Variants in CDADC1 observed in about 807,000 individuals in gnomAD.
The protein encoded by CDADC1 is dCTP deaminase.
CDADC1 carries 39 observed loss-of-function variants against 54.9 expected under a neutral mutation model. The observed-to-expected ratio is 0.71, with a 90% CI of 0.55 to 0.93. The LOEUF is 0.93. Ranked by LOEUF, CDADC1 falls within the 40% of genes least tolerant of loss-of-function variation. The probability of loss-of-function intolerance (pLI) is 0.00; values close to 1 mark genes in which losing one functional copy is unlikely to be tolerated. For synonymous variants in CDADC1, 186 were observed against 204.0 expected, an observed-to-expected ratio of 0.91 and a Z score of 0.75; for missense variants, 518 against 618.8, an observed-to-expected ratio of 0.84 and a Z score of 1.73.
At chr13:49,250,512 GA>G (rs1387231548) in intron 2 of CDADC1, among the ~76,000 whole-genome samples, 1 of 152,170 alleles carries the variant, frequency 6.6e-6, no homozygotes, top group Non-Finnish European at 1.5e-5. Flanking sequence ...AGACATGAAG[GA>G]TTAGTGGACT....
Position 49,276,356 on chromosome 13 carries a change from T to G in CDADC1, c.1051-1994T>G, listed in dbSNP as rs180736414. On this transcript the variant is annotated intron_variant, in intron 6 of 9. Coordinates refer to ENST00000251108, the MANE Select transcript of CDADC1 (RefSeq NM_030911.4). ...AGGGCTAGACAGAAAATAAGGAGAT[T>G]AATAAAAAGAGATGAGGACTTGGAG... is the stretch of plus-strand genomic sequence containing the variant. Among the ~76,000 whole-genome samples, 164 of 152,104 alleles carry G rather than the reference T, an allele frequency of 1.1e-3. 2 individuals carry two copies. Among genetic ancestry groups the G allele is most frequent in the African/African-American group, 3.8e-3 (158 of 41,494 alleles).
intron 5 of CDADC1, among the ~76,000 whole-genome samples, chr13:49,272,247 A>C (rs1428094642): frequency 3.9e-5 from 6 of 152,240 alleles, no homozygotes. Context: ...AAATTAAATA[A>C]AACTTTAAAG....
intron 3 of CDADC1, 96 bp from the exon 4 acceptor site, chr13:49,259,250 A>C: frequency 1.1e-6 from 1 of 898,594 alleles, no homozygotes; most frequent in Non-Finnish European, 1.6e-6. Flanking sequence ...AAAGAATTAA[A>C]CAAAACTTCC....
chr13:49,262,511 A>C (rs1005243957), intron 4 of CDADC1, among the ~76,000 whole-genome samples: 6 of 151,852 alleles, frequency 4.0e-5, no homozygotes, highest in African/African-American at 1.2e-4. Context: ...AGGTAAAACT[A>C]CTGTTTCCGT....
chr13:49,267,793 T>C lies in CDADC1; in HGVS notation c.734T>C (p.Val245Ala). The change falls in exon 5 of 10, where the codon GTT becomes GCT. Residue 245 changes from valine to alanine, a missense_variant. Val to Ala is a moderately conservative substitution (Grantham distance 64). Transcript: ENST00000251108. Reference sequence around the variant, plus strand: ...AAAGAATATGAAATGTTATTTTTGGTTTCAAATGAAGAAATGCATAAGCAA... The same window carrying C: ...AAAGAATATGAAATGTTATTTTTGGCTTCAAATGAAGAAATGCATAAGCAA... ...RIKEYEMLFL[V>A]SNEEMHKQIL... is the part of the protein sequence containing the mutation. The C allele has an allele frequency of 6.2e-7, 1 of 1,612,662 alleles. No individual in the cohort carries two copies.
intron 4 of CDADC1, among the ~76,000 whole-genome samples, chr13:49,266,678 T>C (rs1167863856): frequency 6.6e-6 from 1 of 152,176 alleles, no homozygotes; most frequent in African/African-American, 2.4e-5. Flanking sequence ...ATTTTGGTCA[T>C]TTAGGTTTTT....
At chr13:49,275,112 GTCCCCCT>G in intron 6 of CDADC1, among the ~76,000 whole-genome samples, 1 of 146,256 alleles carries the variant, frequency 6.8e-6, no homozygotes, top group East Asian at 2.0e-4. Context: ...TTGAGACAGA[GTCCCCCT>G]CTGTCACCCA....
At chr13:49,250,165 C>T (rs1024904198) in intron 2 of CDADC1, among the ~76,000 whole-genome samples, 1 of 152,154 alleles carries the variant, frequency 6.6e-6, no homozygotes, top group Non-Finnish European at 1.5e-5. Flanking sequence ...TGCATGTACT[C>T]GCTGAGGTTT....
chr13:49,281,885 C>CG (rs1953347094), intron 8 of CDADC1, among the ~76,000 whole-genome samples: 1 of 151,620 alleles, frequency 6.6e-6, no homozygotes, highest in Non-Finnish European at 1.5e-5. Flanking sequence ...CTCAGCCTCC[C>CG]GGGTTCCAGC....
intron 4 of CDADC1, among the ~76,000 whole-genome samples, chr13:49,262,795 T>C (rs1593805709): frequency 6.6e-6 from 1 of 152,292 alleles, no homozygotes; most frequent in South Asian, 2.1e-4. Context: ...CCGAAAGTGC[T>C]GGGATTACAG....
chr13:49,261,821 A>G (rs1952693573), intron 4 of CDADC1, among the ~76,000 whole-genome samples: 1 of 152,200 alleles, frequency 6.6e-6, no homozygotes, highest in Admixed American at 6.5e-5. Flanking sequence ...AGTGCAGGTA[A>G]CTCATCACTG....
rs970062396 is a variant in CDADC1, at chr13:49,248,082, C to G, written c.45C>G (p.Ala15=). Reference sequence around the variant, plus strand: ...TGCAAAATCTGGAGAGCGCGAGGGCCGGGCGGTCAGTCAGCACCCAGACTG... The same window carrying G: ...TGCAAAATCTGGAGAGCGCGAGGGCGGGGCGGTCAGTCAGCACCCAGACTG... ...GQMQNLESAR[A]GRSVSTQTGS... The change falls in exon 1 of 10, where the codon GCC becomes GCG. Residue 15 remains alanine, a synonymous_variant. Transcript: ENST00000251108. 1 of 1,553,706 alleles carries G rather than the reference C, an allele frequency of 6.4e-7. No individual in the cohort carries two copies.
chr13:49,289,080 A>C (rs1444451001), intron 9 of CDADC1, among the ~76,000 whole-genome samples: 2 of 151,452 alleles, frequency 1.3e-5, no homozygotes, highest in Non-Finnish European at 2.9e-5. Flanking sequence ...GTAGTCAGAG[A>C]AATGCAAATT....
intron 6 of CDADC1, among the ~76,000 whole-genome samples, chr13:49,275,587 T>C (rs1953083677): frequency 6.6e-6 from 1 of 150,490 alleles, no homozygotes. Flanking sequence ...ATATTCCATG[T>C]AAAGATTTTG....
rs1191141907 is a variant in CDADC1, at chr13:49,247,967, G to C, written c.-71G>C. On this transcript the variant is annotated 5_prime_UTR_variant, in exon 1 of 10. Transcript: ENST00000251108. Reference sequence around the variant, plus strand: ...CAGTTGCTGAGAGGAGGCGAGAGGCGGGGGCGCTAGGGCCGAGATCATGTC... The same window carrying C: ...CAGTTGCTGAGAGGAGGCGAGAGGCCGGGGCGCTAGGGCCGAGATCATGTC... 6.5e-6 allele frequency: 9 copies of C among 1,388,860 alleles called. No individual in the cohort carries two copies. Among genetic ancestry groups the C allele is most frequent in the Admixed American group, 5.9e-5 (3 of 50,546 alleles). The allele number at this position is 1,388,860 out of a possible 1,614,324, so 86.0% of individuals were successfully genotyped here.
chr13:49,286,471 C>T (rs1048216586), intron 9 of CDADC1, among the ~76,000 whole-genome samples, 189 bp downstream of exon 9: 7 of 151,870 alleles, frequency 4.6e-5, no homozygotes, highest in African/African-American at 1.7e-4. Context: ...TGGAAAGTGC[C>T]GATTAATAAT....
At chr13:49,254,528 G>A (rs1382214839) in intron 2 of CDADC1, among the ~76,000 whole-genome samples, 2 of 151,350 alleles carry the variant, frequency 1.3e-5, no homozygotes, top group African/African-American at 2.4e-5. Flanking sequence ...TCAGCCTCCC[G>A]AGTAGCTGGG....
At chr13:49,255,283 G>A (rs111947707) in intron 2 of CDADC1, among the ~76,000 whole-genome samples, 137 of 152,230 alleles carry the variant, frequency 9.0e-4, no homozygotes, top group African/African-American at 3.1e-3. Flanking sequence ...GGGCCAATCA[G>A]ATAATCAAGG....
intron 9 of CDADC1, among the ~76,000 whole-genome samples, chr13:49,287,492 A>G (rs549219083): frequency 6.2e-4 from 94 of 152,040 alleles, no homozygotes; most frequent in African/African-American, 2.0e-3. Flanking sequence ...CTATCTATCT[A>G]TCTATCTATC....
Sources: allele counts gnomAD v4.1 joint callset (sites outside exome capture counted in the v4.1 genomes callset), GRCh38; gene constraint gnomAD v4.1.1; transcripts MANE v1.5; gene names NCBI Gene and HGNC (gene_info 2026-07-23, HGNC 2026-07-21).